DOCK2: variants seen among roughly 807,000 people sequenced by gnomAD.
DOCK2 encodes the protein dedicator of cytokinesis protein 2.
A neutral mutation model predicts 248.9 loss-of-function variants in DOCK2; 87 were observed. The observed-to-expected ratio is 0.35, with a 90% confidence interval of 0.29 to 0.42. The LOEUF (loss-of-function observed/expected upper bound fraction) is 0.42. Ranked by LOEUF, DOCK2 falls within the 10% of genes least tolerant of loss-of-function variation. The probability of loss-of-function intolerance (pLI) is 1.00; values close to 1 mark genes in which losing one functional copy is unlikely to be tolerated. For missense variants in DOCK2, 1,747 were observed against 2,300.2 expected (o/e 0.76, Z 4.92); for synonymous variants, 805 against 821.6 (o/e 0.98, Z 0.35).
At chr5:170,012,964 C>T (rs776643484) in intron 32 of DOCK2, among the ~76,000 whole-genome samples, 4 of 151,980 alleles carry the variant, frequency 2.6e-5, no homozygotes, top group Non-Finnish European at 5.9e-5. Flanking sequence ...ACAGAGTGCT[C>T]AGCTTGGTGC....
At chr5:169,720,036 A>G (rs1353478111) in intron 22 of DOCK2, among the ~76,000 whole-genome samples, 1 of 152,240 alleles carries the variant, frequency 6.6e-6, no homozygotes, top group Non-Finnish European at 1.5e-5. Context: ...CTCTTAACAC[A>G]TTCTTTGAGA....
chr5:169,966,686 A>G (rs1384625168), intron 27 of DOCK2, among the ~76,000 whole-genome samples: 1 of 152,204 alleles, frequency 6.6e-6, no homozygotes, highest in African/African-American at 2.4e-5. Flanking sequence ...AGCAAGTGGC[A>G]GGACAGAGCT....
At position 170,049,365 on chromosome 5, in the gene DOCK2, G is replaced by A. The variant is rs939523737; in HGVS notation, c.4072-891G>A. On this transcript the variant is annotated intron_variant, in intron 40 of 51. Transcript: ENST00000520908. ...CTTGACCTCATGATCCGCCTGCCTC[G>A]GCCTCCCAAAGTGCTGGGATTACAG... 2.0e-4 allele frequency among the ~76,000 whole-genome samples: 30 copies of A among 152,282 alleles called. 1 individual carries two copies. The highest frequency in any genetic ancestry group is 3.2e-4 in the Non-Finnish European group (22 of 68,020).
intron 9 of DOCK2, among the ~76,000 whole-genome samples, chr5:169,692,053 A>C (rs1760335380): frequency 6.6e-6 from 1 of 151,946 alleles, no homozygotes; most frequent in Non-Finnish European, 1.5e-5. Flanking sequence ...ACGGGGTTTC[A>C]CCATGTTGGC....
intron 28 of DOCK2, among the ~76,000 whole-genome samples, chr5:169,984,071 A>G (rs1412800170): frequency 6.6e-6 from 1 of 152,206 alleles, no homozygotes; most frequent in Non-Finnish European, 1.5e-5. Context: ...GGAATTCTTA[A>G]TGATTGAACA....
At chr5:169,780,421 A>G (rs1032573738) in intron 25 of DOCK2, among the ~76,000 whole-genome samples, 1 of 152,102 alleles carries the variant, frequency 6.6e-6, no homozygotes, top group Non-Finnish European at 1.5e-5. Context: ...AGAATTTGGC[A>G]TCCAATAAAG....
intron 36 of DOCK2, among the ~76,000 whole-genome samples, chr5:170,039,645 C>T (rs1402825944): frequency 6.6e-6 from 1 of 152,238 alleles, no homozygotes; most frequent in Non-Finnish European, 1.5e-5. Context: ...CTACATTTGA[C>T]CCACTGACCC....
At chr5:169,980,893 G>A (rs57606998) in intron 27 of DOCK2, among the ~76,000 whole-genome samples, 4,112 of 152,216 alleles carry the variant, frequency 0.027, 209 homozygotes, top group African/African-American at 0.092. Context: ...CATCAACAAA[G>A]CATCATCAGC....
chr5:170,077,230 T>C (rs72828647), intron 47 of DOCK2, among the ~76,000 whole-genome samples: 13,953 of 152,220 alleles, frequency 0.092, 1,405 homozygotes, highest in African/African-American at 0.25. Flanking sequence ...TAGAGCCTAA[T>C]GTCCAGAGTT....
At chr5:169,891,444 A>T (rs1014898849) in intron 27 of DOCK2, among the ~76,000 whole-genome samples, 5 of 152,244 alleles carry the variant, frequency 3.3e-5, no homozygotes, top group Non-Finnish European at 7.3e-5. Flanking sequence ...AAAACTTTAG[A>T]TCTTGGGTAG....
intron 25 of DOCK2, among the ~76,000 whole-genome samples, chr5:169,788,762 A>C (rs1003085870): frequency 6.6e-6 from 1 of 152,238 alleles, no homozygotes; most frequent in Non-Finnish European, 1.5e-5. Context: ...GTGCAAAATT[A>C]CTTGCAATTT....
chr5:170,019,870 T>C (rs1261498941), intron 33 of DOCK2, among the ~76,000 whole-genome samples: 1 of 151,976 alleles, frequency 6.6e-6, no homozygotes, highest in South Asian at 2.1e-4. Context: ...CCTCACCCCC[T>C]GTCCTCTCTG....
chr5:169,951,323 T>G (rs543173921), intron 27 of DOCK2, among the ~76,000 whole-genome samples: 2 of 152,358 alleles, frequency 1.3e-5, no homozygotes, highest in Admixed American at 1.3e-4. Context: ...TTCCTTCTGA[T>G]GCTGCATATG....
At position 169,862,071 on chromosome 5, in the gene DOCK2, G is replaced by A. The variant is rs1771238891; in HGVS notation, c.2799+21219G>A. On this transcript the variant is annotated intron_variant, in intron 27 of 51. Coordinates refer to ENST00000520908, the MANE Select transcript of DOCK2 (RefSeq NM_004946.3). Reference sequence around the variant, plus strand: ...GACCACATCAGCTTATTAATTTTGTGTGAGGTACCTCAAACATCTCTTTAT... The same window carrying A: ...GACCACATCAGCTTATTAATTTTGTATGAGGTACCTCAAACATCTCTTTAT... Among the ~76,000 whole-genome samples the A allele has an allele frequency of 2.6e-5, 4 of 152,036 alleles. No individual in the cohort carries two copies. The South Asian group carries it at 8.3e-4, about 32-fold the overall frequency.
chr5:169,883,233 G>C, intron 27 of DOCK2: 1 of 1,551,510 alleles, frequency 6.4e-7, no homozygotes, highest in Middle Eastern at 1.7e-4. Flanking sequence ...ACCTGTCTGG[G>C]CTGAGAGCAG....
chr5:169,825,818 A>G (rs990984122), intron 26 of DOCK2, among the ~76,000 whole-genome samples: 7 of 149,416 alleles, frequency 4.7e-5, no homozygotes, highest in African/African-American at 7.4e-5. Flanking sequence ...AAACGTTTGC[A>G]TAACATTAAA....
At chr5:169,743,975 GT>G (rs921882388) in intron 22 of DOCK2, among the ~76,000 whole-genome samples, 15 of 150,524 alleles carry the variant, frequency 1.0e-4, no homozygotes, top group African/African-American at 3.4e-4. Context: ...TCCTAGAATT[GT>G]TTTTTTATCC....
chr5:169,977,211 G>A (rs1483391698), intron 27 of DOCK2, among the ~76,000 whole-genome samples: 2 of 152,210 alleles, frequency 1.3e-5, no homozygotes, highest in African/African-American at 2.4e-5. Flanking sequence ...GGCACACACT[G>A]GACTTACTGA....
At position 169,734,803 on chromosome 5, in the gene DOCK2, A is replaced by G. The variant is rs537974652; in HGVS notation, c.2268-12593A>G. Reference sequence around the variant, plus strand: ...CAACAAACTGGGAAACCAGCTTTATATGAGGGTCTCCAATATGCAGGCCCT... The same window carrying G: ...CAACAAACTGGGAAACCAGCTTTATGTGAGGGTCTCCAATATGCAGGCCCT... On this transcript the variant is annotated intron_variant, in intron 22 of 51. Coordinates refer to ENST00000520908, the MANE Select transcript of DOCK2 (RefSeq NM_004946.3). Among the ~76,000 whole-genome samples, 4 of 152,304 alleles carry G rather than the reference A, an allele frequency of 2.6e-5. No individual in the cohort carries two copies. In the East Asian group the frequency reaches 5.8e-4, roughly 22 times the overall value.
Sources: gnomAD v4.1 joint callset for allele counts (sites outside exome capture counted in the v4.1 genomes callset) on GRCh38, gnomAD v4.1.1 for gene constraint, MANE v1.5 for transcripts, NCBI Gene and HGNC (gene_info 2026-07-23, HGNC 2026-07-21) for gene names.